Variants in PTPRT observed in about 807,000 individuals in gnomAD.
PTPRT encodes receptor-type tyrosine-protein phosphatase T.
In PTPRT, 56 loss-of-function variants were observed where a neutral mutation model predicts 176.8. The observed-to-expected ratio is 0.32, with a 90% confidence interval of 0.26 to 0.40. PTPRT has a LOEUF of 0.40. PTPRT is among the 10% of genes least tolerant of loss of function. The probability of loss-of-function intolerance (pLI) is 1.00; values close to 1 mark genes in which losing one functional copy is unlikely to be tolerated. For missense variants in PTPRT, 1,540 were observed against 1,908.2 expected, an observed-to-expected ratio of 0.81 and a Z score of 3.60; for synonymous variants, 783 against 739.0, an observed-to-expected ratio of 1.06 and a Z score of -0.96.
intron 9 of PTPRT, among the ~76,000 whole-genome samples, chr20:42,370,868 C>G (rs1409068418): frequency 6.6e-6 from 1 of 152,184 alleles, no homozygotes; most frequent in Non-Finnish European, 1.5e-5. Context: ...ATTTTGCACT[C>G]AAACCACATT....
intron 1 of PTPRT, among the ~76,000 whole-genome samples, chr20:43,019,492 G>A (rs1283710655): frequency 6.6e-6 from 1 of 151,732 alleles, no homozygotes; most frequent in Non-Finnish European, 1.5e-5. Context: ...GGTGGTGCAT[G>A]TCTGTAATCC....
At position 42,552,235 on chromosome 20, in the gene PTPRT, G is replaced by A. The variant is rs1046451282; in HGVS notation, c.1154-79673C>T. ...GCAATTTCAGATACCCTGGGAATCAGATATAGGCAAACAATACCTCCTTAA... is the reference window on the plus strand; with the variant it reads ...GCAATTTCAGATACCCTGGGAATCAAATATAGGCAAACAATACCTCCTTAA... On this transcript the variant is annotated intron_variant, in intron 7 of 30. Transcript: ENST00000373187. 1.6e-4 allele frequency among the ~76,000 whole-genome samples: 24 copies of A among 152,304 alleles called. No homozygotes were observed. In the Middle Eastern group the frequency reaches 0.01, roughly 65 times the overall value.
chr20:42,458,855 C>T (rs1049349938), intron 8 of PTPRT, among the ~76,000 whole-genome samples: 1 of 152,058 alleles, frequency 6.6e-6, no homozygotes, highest in Non-Finnish European at 1.5e-5. Context: ...TATTTGTCTA[C>T]CTGGCACTGT....
chr20:43,061,631 G>A (rs142374678), intron 1 of PTPRT, among the ~76,000 whole-genome samples: 3 of 152,290 alleles, frequency 2.0e-5, no homozygotes, highest in African/African-American at 7.2e-5. Flanking sequence ...TATCTACTGA[G>A]CACTTACTCC....
chr20:42,517,041 T>C (rs67457209), intron 7 of PTPRT, among the ~76,000 whole-genome samples: 18,609 of 152,128 alleles, frequency 0.12, 1,223 homozygotes, highest in East Asian at 0.2. Flanking sequence ...ACAAAGTTTA[T>C]GTTTACTAAG....
At chr20:43,127,279 C>T (rs1271434735) in intron 1 of PTPRT, among the ~76,000 whole-genome samples, 4 of 151,804 alleles carry the variant, frequency 2.6e-5, no homozygotes, top group South Asian at 2.1e-4. Context: ...AAAAATTAGC[C>T]GGGCGTGGTG....
chr20:42,915,458 C>T (rs867714823), intron 1 of PTPRT, among the ~76,000 whole-genome samples: 13 of 152,324 alleles, frequency 8.5e-5, no homozygotes, highest in Non-Finnish European at 1.6e-4. Context: ...TGCACAGCCA[C>T]GTAATCTACG....
intron 2 of PTPRT, among the ~76,000 whole-genome samples, chr20:42,836,676 C>T (rs192535839): frequency 1.1e-4 from 17 of 152,262 alleles, no homozygotes; most frequent in Non-Finnish European, 2.2e-4. Context: ...AATCCTTAAT[C>T]GGCCACTGAA....
At chr20:42,047,769 G>A in the PTPRT span, among the ~76,000 whole-genome samples, 3 of 152,110 alleles carry the variant, frequency 2.0e-5, no homozygotes, top group African/African-American at 7.2e-5. Flanking sequence ...GGGAGACACT[G>A]GGCCCTTGTG....
At chr20:42,116,056 C>T in intron 21 of PTPRT, 1 of 725,460 alleles carries the variant, frequency 1.4e-6, no homozygotes, top group Non-Finnish European at 2.6e-6. Context: ...GGGGACGCCG[C>T]ACGGCCTAGA....
intron 21 of PTPRT, 114 bp downstream of exon 21, chr20:42,118,289 G>T (rs1987398976): frequency 8.8e-6 from 7 of 796,116 alleles, no homozygotes; most frequent in African/African-American, 6.9e-5. Context: ...CTTGTAGGTT[G>T]CCGTGAGGGT....
At chr20:42,047,504 C>T in the PTPRT span, among the ~76,000 whole-genome samples, 1 of 152,154 alleles carries the variant, frequency 6.6e-6, no homozygotes, top group Admixed American at 6.5e-5. Context: ...AGAATCATAT[C>T]GTGATGAATT....
chr20:42,094,761 A>C (rs572967234), intron 27 of PTPRT, among the ~76,000 whole-genome samples: 1 of 152,072 alleles, frequency 6.6e-6, no homozygotes, highest in East Asian at 1.9e-4. Context: ...GTGGTGGCTC[A>C]CCCCTGTAAT....
At chr20:43,110,326 T>C (rs1337504306) in intron 1 of PTPRT, among the ~76,000 whole-genome samples, 1 of 152,220 alleles carries the variant, frequency 6.6e-6, no homozygotes, top group East Asian at 1.9e-4. Flanking sequence ...AAGTTCCCGA[T>C]GACCCAACAC....
At chr20:42,636,729 G>A (rs1170749924) in intron 7 of PTPRT, among the ~76,000 whole-genome samples, 1 of 150,536 alleles carries the variant, frequency 6.6e-6, no homozygotes, top group Non-Finnish European at 1.5e-5. Flanking sequence ...AGGTTGCAGT[G>A]AGCCGAGATC....
intron 9 of PTPRT, among the ~76,000 whole-genome samples, chr20:42,370,385 C>T (rs1240378523): frequency 6.6e-6 from 1 of 152,182 alleles, no homozygotes; most frequent in African/African-American, 2.4e-5. Context: ...GTATACCATG[C>T]TGCCCTGCCT....
At position 42,780,254 on chromosome 20, in the gene PTPRT, C is replaced by G. The variant is rs1420220673; in HGVS notation, c.532G>C (p.Ala178Pro). The G allele has an allele frequency of 1.2e-6, 2 of 1,613,850 alleles. No individual in the cohort carries two copies. Among genetic ancestry groups the G allele is most frequent in the African/African-American group, 2.7e-5 (2 of 74,868 alleles). ...VSLKGHPGYI[A>P]VDEVRVLAHP... ...GCAAGGACCCGGACCTCGTCCACGG[C>G]GATGTAGCCAGGATGACCCTTCAAT... is the stretch of plus-strand genomic sequence containing the variant. Residue 178 changes from alanine (A) to proline (P), a missense_variant, in exon 4 of 31, where the codon GCC becomes CCC. Around this residue, in one of 11 missense-constraint regions of PTPRT, gnomAD observed 273 missense variants for 432.1 expected, o/e 0.63. Transcript: ENST00000373187.
chr20:42,396,544 T>C lies in PTPRT; in HGVS notation c.1561-44259A>G, dbSNP rs1331001006. 2.0e-5 allele frequency among the ~76,000 whole-genome samples: 3 copies of C among 152,174 alleles called. No homozygotes were observed. In the East Asian group the frequency reaches 5.8e-4, roughly 29 times the overall value. On this transcript the variant is annotated intron_variant, in intron 9 of 30. Coordinates refer to ENST00000373187, the MANE Select transcript of PTPRT (RefSeq NM_007050.6). Reference sequence around the variant, plus strand: ...CTGGCTTGGAACACGCTAACCAGTCTCTCCCGTGAGGCCCTTTGCACTTTC... The same window carrying C: ...CTGGCTTGGAACACGCTAACCAGTCCCTCCCGTGAGGCCCTTTGCACTTTC...
In PTPRT at chr20:42,236,223, A is replaced by C. The variant is rs1414705976; in HGVS notation, c.2342+6T>G. 6.3e-7 allele frequency: 1 copy of C among 1,599,514 alleles called. No individual in the cohort carries two copies. On this transcript the variant is annotated splice_donor_region_variant and intron_variant, in intron 15 of 30. Transcript: ENST00000373187. Reference sequence around the variant, plus strand: ...GAAGCAAAGTTAACACCAGCTCGATACTTACAAGTAATAGGAGTAGGAATA... The same window carrying C: ...GAAGCAAAGTTAACACCAGCTCGATCCTTACAAGTAATAGGAGTAGGAATA...
Sources: allele counts gnomAD v4.1 joint callset (sites outside exome capture counted in the v4.1 genomes callset), GRCh38; gene constraint gnomAD v4.1.1; regional missense constraint gnomAD v4.1.1; transcripts MANE v1.5; gene names NCBI Gene and HGNC (gene_info 2026-07-23, HGNC 2026-07-21).